Variants in ELP4 observed in about 807,000 individuals in gnomAD.
ELP4 encodes the protein elongator acetyltransferase complex subunit 4.
ELP4 carries 51 observed loss-of-function variants against 48.9 expected under a neutral mutation model. That is an observed-to-expected ratio of 1.04 (90% CI 0.83 to 1.32). ELP4 has a LOEUF of 1.32. Ranked by LOEUF, ELP4 falls within the 40% of genes most tolerant of loss-of-function variation. The pLI, the probability that ELP4 is intolerant of heterozygous loss-of-function variation, is 0.00. For synonymous variants in ELP4, 210 were observed against 189.2 expected, an observed-to-expected ratio of 1.11 and a Z score of -0.90; for missense variants, 519 against 514.6, an observed-to-expected ratio of 1.01 and a Z score of -0.08.
chr11:31,701,233 C>G (rs1329652634), intron 9 of ELP4, among the ~76,000 whole-genome samples: 1 of 151,936 alleles, frequency 6.6e-6, no homozygotes, highest in Admixed American at 6.6e-5. Context: ...CTTGTCTTAC[C>G]AGGAAAATAA....
At chr11:31,617,175 A>G (rs975599191) in intron 5 of ELP4, among the ~76,000 whole-genome samples, 102 of 152,118 alleles carry the variant, frequency 6.7e-4, no homozygotes, top group Non-Finnish European at 1.0e-4. Context: ...ATGTCCACCA[A>G]CTGATGAACT....
intron 9 of ELP4, among the ~76,000 whole-genome samples, chr11:31,773,009 A>G (rs2134273453): frequency 6.6e-6 from 1 of 152,312 alleles, no homozygotes; most frequent in East Asian, 1.9e-4. Flanking sequence ...CTTGTCTGTT[A>G]TCAGCCCTGG....
intron 3 of ELP4, among the ~76,000 whole-genome samples, chr11:31,556,722 T>TG (rs1956935122): frequency 6.6e-6 from 1 of 151,942 alleles, no homozygotes; most frequent in Non-Finnish European, 1.5e-5. Context: ...CATAAATTGT[T>TG]GCATTAACTT....
chr11:31,579,122 A>T (rs1195516529), intron 3 of ELP4, among the ~76,000 whole-genome samples: 1 of 152,216 alleles, frequency 6.6e-6, no homozygotes, highest in Non-Finnish European at 1.5e-5. Flanking sequence ...AAAGTGGGCA[A>T]AGGATATGGA....
chr11:31,742,716 C>A (rs1299750889), intron 9 of ELP4, among the ~76,000 whole-genome samples: 3 of 152,082 alleles, frequency 2.0e-5, no homozygotes, highest in Admixed American at 2.0e-4. Context: ...ATTTTGTCAC[C>A]ACCAGGCCTG....
intron 5 of ELP4, among the ~76,000 whole-genome samples, chr11:31,611,349 A>G (rs1300371356): frequency 6.6e-6 from 1 of 152,180 alleles, no homozygotes; most frequent in African/African-American, 2.4e-5. Flanking sequence ...ATTAGTGGCT[A>G]TCTTGTTAGG....
At chr11:31,515,727 G>C (rs1426198501) in intron 1 of ELP4, among the ~76,000 whole-genome samples, 1 of 152,022 alleles carries the variant, frequency 6.6e-6, no homozygotes, top group Non-Finnish European at 1.5e-5. Context: ...GTACCTTTCT[G>C]GGCCAGATAC....
intron 5 of ELP4, among the ~76,000 whole-genome samples, chr11:31,615,597 CT>C (rs970960179): frequency 5.1e-4 from 75 of 148,362 alleles, no homozygotes; most frequent in Non-Finnish European, 3.9e-4. Flanking sequence ...ACACAATCAG[CT>C]TTTTTTTTTC....
At chr11:31,721,084 T>C (rs1946950275) in intron 9 of ELP4, among the ~76,000 whole-genome samples, 1 of 152,250 alleles carries the variant, frequency 6.6e-6, no homozygotes, top group Non-Finnish European at 1.5e-5. Context: ...TTATATTTTG[T>C]TCTGCTTTAA....
intron 9 of ELP4, among the ~76,000 whole-genome samples, chr11:31,676,590 T>G (rs943163025): frequency 6.6e-6 from 1 of 152,230 alleles, no homozygotes; most frequent in African/African-American, 2.4e-5. Flanking sequence ...TCTTCCCTAT[T>G]TAAATTGTAT....
At position 31,568,196 on chromosome 11, in the gene ELP4, A is replaced by G. The variant is rs551509410; in HGVS notation, c.382-26574A>G. On this transcript the variant is annotated intron_variant, in intron 3 of 9. Coordinates refer to ENST00000640961, the MANE Select transcript of ELP4 (RefSeq NM_019040.5). The stretch of plus-strand genomic sequence containing the variant: ...AGAGCCAAATCAAGAATGCAGTGTC[A>G]TTCACAATAGCCACAAAAAGAATAA... Among the ~76,000 whole-genome samples, 3 of 152,354 alleles carry G rather than the reference A, an allele frequency of 2.0e-5. No individual in the cohort carries two copies. In the East Asian group the frequency reaches 5.8e-4, roughly 29 times the overall value.
intron 3 of ELP4, among the ~76,000 whole-genome samples, chr11:31,543,269 C>T (rs567285334): frequency 3.3e-4 from 50 of 152,172 alleles, no homozygotes; most frequent in African/African-American, 1.0e-3. Flanking sequence ...AAATATGCCA[C>T]GATTCTGAGG....
chr11:31,573,878 A>G lies in ELP4; in HGVS notation c.382-20892A>G, dbSNP rs186693309. ...GGAGGACACAAACATTGACTATCTCATTTAAACTTAGATATTTTCAAACAC... is the reference window on the plus strand; with the variant it reads ...GGAGGACACAAACATTGACTATCTCGTTTAAACTTAGATATTTTCAAACAC... On this transcript the variant is annotated intron_variant, in intron 3 of 9. Coordinates refer to ENST00000640961, the MANE Select transcript of ELP4 (RefSeq NM_019040.5). Among the ~76,000 whole-genome samples the G allele has an allele frequency of 1.1e-4, 17 of 151,332 alleles. No individual in the cohort carries two copies. In the East Asian group the frequency reaches 3.3e-3, roughly 30 times the overall value.
intron 9 of ELP4, among the ~76,000 whole-genome samples, chr11:31,752,811 A>G (rs1202351672): frequency 1.3e-5 from 2 of 148,670 alleles, no homozygotes; most frequent in Admixed American, 6.7e-5. Context: ...TCCAGCCTGG[A>G]CGACAGAGTG....
chr11:31,572,528 A>T (rs1406637140), intron 3 of ELP4, among the ~76,000 whole-genome samples: 8 of 152,032 alleles, frequency 5.3e-5, no homozygotes, highest in African/African-American at 1.9e-4. Context: ...TCATTTGCTT[A>T]TTCTCTCCCC....
chr11:31,564,408 C>T (rs1192263694), intron 3 of ELP4, among the ~76,000 whole-genome samples: 1 of 147,400 alleles, frequency 6.8e-6, no homozygotes, highest in Non-Finnish European at 1.5e-5. Flanking sequence ...ACTTTAAGTT[C>T]TAGGGTACAT....
At chr11:31,733,889 A>T (rs1047827132) in intron 9 of ELP4, among the ~76,000 whole-genome samples, 1 of 152,200 alleles carries the variant, frequency 6.6e-6, no homozygotes. Context: ...CTCTGATAGG[A>T]AAGCCAGATT....
At chr11:31,690,868 G>A (rs1164745613) in intron 9 of ELP4, among the ~76,000 whole-genome samples, 1 of 139,068 alleles carries the variant, frequency 7.2e-6, no homozygotes, top group African/African-American at 2.7e-5. Flanking sequence ...GCCTTTTAAA[G>A]GTACTTTTTT....
intron 3 of ELP4, among the ~76,000 whole-genome samples, chr11:31,586,094 T>C (rs555330585): frequency 6.6e-6 from 1 of 152,300 alleles, no homozygotes. Context: ...AAGTAGATAG[T>C]GGCTACTGTA....
Sources: gnomAD v4.1 joint callset for allele counts (sites outside exome capture counted in the v4.1 genomes callset) on GRCh38, gnomAD v4.1.1 for gene constraint, MANE v1.5 for transcripts, NCBI Gene and HGNC (gene_info 2026-07-23, HGNC 2026-07-21) for gene names.